The following USH2A variants were observed in gnomAD, a reference collection of about 807,000 sequenced individuals.
USH2A encodes the protein usherin, also known as Usher syndrome 2A (autosomal recessive, mild).
In USH2A, 443 loss-of-function variants were observed where a neutral mutation model predicts 538.9. The observed-to-expected ratio is 0.82, with a 90% CI of 0.76 to 0.89. The LOEUF is 0.89. USH2A is among the 40% of genes least tolerant of loss of function. The probability of loss-of-function intolerance (pLI) is 0.00; values close to 1 mark genes in which losing one functional copy is unlikely to be tolerated. For synonymous variants in USH2A, 2,413 were observed against 2,273.5 expected, an observed-to-expected ratio of 1.06 and a Z score of -1.75; for missense variants, 6,633 against 6,324.8, an observed-to-expected ratio of 1.05 and a Z score of -1.65.
intron 41 of USH2A, among the ~76,000 whole-genome samples, chr1:215,885,509 T>A (rs1488649862): frequency 1.3e-5 from 2 of 152,342 alleles, no homozygotes; most frequent in South Asian, 4.1e-4. Flanking sequence ...TCTTAGGTGA[T>A]TAAATATTAA....
chr1:215,859,881 C>T (rs773539497), intron 44 of USH2A, among the ~76,000 whole-genome samples: 3 of 152,190 alleles, frequency 2.0e-5, no homozygotes, highest in African/African-American at 4.8e-5. Context: ...CACCACCAAA[C>T]CTCATGTGAC....
At chr1:215,866,464 T>A (rs966906313) in intron 44 of USH2A, among the ~76,000 whole-genome samples, 4 of 152,202 alleles carry the variant, frequency 2.6e-5, no homozygotes, top group African/African-American at 9.6e-5. Flanking sequence ...GGCTTCCTTT[T>A]ACTGGATCAA....
chr1:216,043,116 A>G (rs2030360157), intron 32 of USH2A, among the ~76,000 whole-genome samples: 1 of 152,084 alleles, frequency 6.6e-6, no homozygotes, highest in Admixed American at 6.6e-5. Context: ...AGTTCTGGCA[A>G]GGGAAAATAA....
chr1:215,984,881 CT>C (rs1667835306), intron 35 of USH2A, among the ~76,000 whole-genome samples: 1 of 152,196 alleles, frequency 6.6e-6, no homozygotes. Context: ...AGATATCTCC[CT>C]GTGTGAATAC....
chr1:216,388,396 C>T (rs887994497), intron 3 of USH2A, among the ~76,000 whole-genome samples: 11 of 152,142 alleles, frequency 7.2e-5, no homozygotes, highest in African/African-American at 2.7e-4. Flanking sequence ...TTTGGTGATG[C>T]TGCTTTTCAG....
At chr1:215,999,770 A>G (rs569916652) in intron 33 of USH2A, among the ~76,000 whole-genome samples, 17 of 152,308 alleles carry the variant, frequency 1.1e-4, no homozygotes, top group African/African-American at 3.6e-4. Context: ...ACATGGAACA[A>G]TGAGATCTGA....
At position 215,650,557 on chromosome 1, in the gene USH2A, T is replaced by C. The variant is rs199832809; in HGVS notation, c.14343+35A>G. On this transcript the variant is annotated intron_variant, in intron 65 of 71. Coordinates refer to ENST00000307340, the MANE Select transcript of USH2A (RefSeq NM_206933.4). ...GTTTCATAGTAATGATTTTTAAAAG[T>C]CAACCAGTCCTGGATTTTTAGCTCT... The C allele has an allele frequency of 4.9e-4, 788 of 1,612,652 alleles. 10 individuals carry two copies. The East Asian group carries it at 0.017, about 35-fold the overall frequency.
chr1:215,693,106 G>GTGTA (rs1658673763), intron 61 of USH2A, among the ~76,000 whole-genome samples: 1 of 107,174 alleles, frequency 9.3e-6, no homozygotes, highest in Non-Finnish European at 2.0e-5. Context: ...GTGTGTGTGT[G>GTGTA]TGTGTATGTG....
At chr1:216,023,101 A>G (rs1668877376) in intron 32 of USH2A, among the ~76,000 whole-genome samples, 1 of 152,102 alleles carries the variant, frequency 6.6e-6, no homozygotes, top group South Asian at 2.1e-4. Flanking sequence ...GTGAAATACA[A>G]ATATTAGAAC....
chr1:215,711,894 A>C (rs1659347005), intron 61 of USH2A, among the ~76,000 whole-genome samples: 2 of 152,174 alleles, frequency 1.3e-5, no homozygotes, highest in Admixed American at 6.6e-5. Flanking sequence ...GGGCTAATAT[A>C]ATTTTCTTAA....
At chr1:215,648,787 A>T (rs1249769349) in intron 65 of USH2A, 21 bp from the exon 66 acceptor site, 8 of 1,602,348 alleles carry the variant, frequency 5.0e-6, no homozygotes, top group Non-Finnish European at 6.8e-6. Flanking sequence ...AAGGAAGGCT[A>T]GATAAAGGCA....
intron 43 of USH2A, among the ~76,000 whole-genome samples, chr1:215,876,797 T>C (rs1664785533): frequency 6.6e-6 from 1 of 151,970 alleles, no homozygotes; most frequent in African/African-American, 2.4e-5. Context: ...AAAAGGCAAC[T>C]ATGGGGAAAA....
chr1:216,073,034 A>G (rs1041986035), intron 28 of USH2A, 63 bp downstream of exon 28: 7 of 1,612,328 alleles, frequency 4.3e-6, no homozygotes, highest in Non-Finnish European at 5.9e-6. Context: ...AGGGGCTGGC[A>G]GGGAGGGAAA....
In USH2A at chr1:215,640,578, A is replaced by G. The variant is rs765747576; in HGVS notation, c.14948T>C (p.Ile4983Thr). The change falls in exon 68 of 72, where the codon ATA (isoleucine) becomes ACA (threonine). Residue 4983 changes from isoleucine (I) to threonine (T), a missense_variant. By Grantham distance (89) the Ile-to-Thr change is moderately conservative (BLOSUM62 -1). Coordinates refer to ENST00000307340, the MANE Select transcript of USH2A (RefSeq NM_206933.4). ...VYSGLDTTLY[I>T]PRTADKTFFF... Reference sequence around the variant, plus strand: ...CTAACTTTTGTCCGCCGTTCTCGGTATGTAGAGGGTGGTGTCCAAGCCGCT... The same window carrying G: ...CTAACTTTTGTCCGCCGTTCTCGGTGTGTAGAGGGTGGTGTCCAAGCCGCT... 5 of 1,613,804 alleles carry G rather than the reference A, an allele frequency of 3.1e-6. No homozygotes were observed. The highest frequency in any genetic ancestry group is 3.3e-5 in the Admixed American group (2 of 59,976).
intron 38 of USH2A, among the ~76,000 whole-genome samples, chr1:215,917,076 A>T (rs1665974827): frequency 1.3e-5 from 2 of 152,168 alleles, no homozygotes; most frequent in South Asian, 4.1e-4. Flanking sequence ...ACTAGAATGT[A>T]GAACTGTCAC....
chr1:215,879,031 G>A lies in USH2A; in HGVS notation c.8291C>T (p.Pro2764Leu). 18 of 1,614,088 alleles carry A rather than the reference G, an allele frequency of 1.1e-5. No homozygotes were observed. Among genetic ancestry groups the A allele is most frequent in the Non-Finnish European group, 1.4e-5 (17 of 1,179,960 alleles). ...ILSYEIHMPD[P>L]HITLTNVTSA... Reference sequence around the variant, plus strand: ...AGTCACATTGGTTAAAGTGATGTGAGGGTCAGGCATGTGAATCTCATAGCT... The same window carrying A: ...AGTCACATTGGTTAAAGTGATGTGAAGGTCAGGCATGTGAATCTCATAGCT... Residue 2764 changes from proline to leucine, a missense_variant, in exon 42 of 72, where the codon CCT (proline) becomes CTT (leucine). Transcript: ENST00000307340.
At chr1:216,316,883 G>A (rs1321384630) in intron 9 of USH2A, among the ~76,000 whole-genome samples, 3 of 152,066 alleles carry the variant, frequency 2.0e-5, no homozygotes, top group African/African-American at 7.2e-5. Flanking sequence ...GTCCTCCCCT[G>A]GCAACAACTC....
At chr1:216,104,657 T>C (rs1198427664) in intron 21 of USH2A, among the ~76,000 whole-genome samples, 1 of 152,126 alleles carries the variant, frequency 6.6e-6, no homozygotes, top group Non-Finnish European at 1.5e-5. Flanking sequence ...TTACACCTTA[T>C]ACAAAAATTA....
intron 11 of USH2A, among the ~76,000 whole-genome samples, chr1:216,254,615 C>T (rs1449948440): frequency 2.0e-5 from 3 of 152,214 alleles, no homozygotes; most frequent in Admixed American, 2.0e-4. Flanking sequence ...TGAGCAAGCT[C>T]ATGCTATCCT....
Sources: gnomAD v4.1 joint callset for allele counts (sites outside exome capture counted in the v4.1 genomes callset) on GRCh38, gnomAD v4.1.1 for gene constraint, MANE v1.5 for transcripts, NCBI Gene and HGNC (gene_info 2026-07-23, HGNC 2026-07-21) for gene names.